MSH3: variants seen among roughly 807,000 people sequenced by gnomAD.
The protein encoded by MSH3 is mutS homolog 3.
In MSH3, 106 loss-of-function variants were observed where a neutral mutation model predicts 123.3. The ratio of observed to expected loss-of-function variants is 0.86; its 90% CI spans 0.73 to 1.01. The LOEUF (loss-of-function observed/expected upper bound fraction) is 1.01, where lower values mean the gene tolerates loss of function less well. Among genes scored for constraint, MSH3 ranks in the 50% least tolerant of loss-of-function variants. The pLI is 0.00. For synonymous variants in MSH3, 515 were observed against 481.4 expected (o/e 1.07, Z -0.91); for missense variants, 1,459 against 1,347.6 (o/e 1.08, Z -1.29).
intron 17 of MSH3, among the ~76,000 whole-genome samples, chr5:80,785,518 C>A (rs1010715516): frequency 2.6e-5 from 4 of 152,106 alleles, no homozygotes; most frequent in Middle Eastern, 6.8e-3. Context: ...GGGACTGTAA[C>A]CTAGTTCAAC....
At chr5:80,772,194 T>C (rs1346084903) in intron 15 of MSH3, among the ~76,000 whole-genome samples, 1 of 152,130 alleles carries the variant, frequency 6.6e-6, no homozygotes, top group Non-Finnish European at 1.5e-5. Context: ...AAGAAAAATA[T>C]TGGAAAAAAT....
intron 20 of MSH3, among the ~76,000 whole-genome samples, chr5:80,842,807 G>C (rs1035594128): frequency 6.6e-6 from 1 of 152,166 alleles, no homozygotes; most frequent in Non-Finnish European, 1.5e-5. Flanking sequence ...ATTTTGGGCT[G>C]AGACGATGGG....
chr5:80,734,843 A>G (rs1309775754), intron 10 of MSH3, among the ~76,000 whole-genome samples: 2 of 152,162 alleles, frequency 1.3e-5, no homozygotes, highest in African/African-American at 2.4e-5. Context: ...CCAAAGAGGC[A>G]GTCATGTTGT....
Position 80,672,826 on chromosome 5 carries a change from C to A in MSH3, c.995C>A (p.Ala332Asp), listed in dbSNP as rs763366083. Residue 332 changes from alanine to aspartate, a missense_variant, in exon 6 of 24, where the codon GCC becomes GAC. Ala to Asp is a moderately radical substitution (Grantham distance 126). Transcript: ENST00000265081. ...TCACTCTTTTCCCGGAAATTGACTG[C>A]CCTTTATACAAAATCTACACTTATT... The part of the protein sequence containing the change: ...RSSLFSRKLT[A>D]LYTKSTLIGE... 2 of 1,613,030 alleles carry A rather than the reference C, an allele frequency of 1.2e-6. No homozygotes were observed. Among genetic ancestry groups the A allele is most frequent in the Non-Finnish European group, 1.7e-6 (2 of 1,179,378 alleles).
At chr5:80,713,508 G>A (rs1399794807) in intron 8 of MSH3, among the ~76,000 whole-genome samples, 2 of 152,160 alleles carry the variant, frequency 1.3e-5, no homozygotes, top group East Asian at 1.9e-4. Context: ...ACCTTGGGAG[G>A]AGCACATCTT....
intron 4 of MSH3, among the ~76,000 whole-genome samples, chr5:80,671,827 T>A (rs1399068068): frequency 6.6e-6 from 1 of 152,232 alleles, no homozygotes; most frequent in Non-Finnish European, 1.5e-5. Context: ...CAATGATTTC[T>A]CTGTCCGGAT....
intron 2 of MSH3, among the ~76,000 whole-genome samples, chr5:80,659,182 C>T (rs185688058): frequency 4.0e-5 from 6 of 150,842 alleles, no homozygotes; most frequent in African/African-American, 7.3e-5. Context: ...TGTAGTGAGC[C>T]GAGATCGTGC....
chr5:80,694,233 T>G (rs535698897), intron 8 of MSH3, among the ~76,000 whole-genome samples: 4 of 152,150 alleles, frequency 2.6e-5, no homozygotes, highest in Non-Finnish European at 5.9e-5. Flanking sequence ...ATTCATTACC[T>G]CAGGATCTGA....
At chr5:80,814,309 T>C (rs1440702076) in intron 20 of MSH3, among the ~76,000 whole-genome samples, 2 of 152,168 alleles carry the variant, frequency 1.3e-5, no homozygotes, top group African/African-American at 4.8e-5. Context: ...TTTGCTCTCG[T>C]TTCCTAGGCC....
chr5:80,738,812 A>G (rs1465017618), intron 10 of MSH3, among the ~76,000 whole-genome samples: 1 of 152,244 alleles, frequency 6.6e-6, no homozygotes, highest in Non-Finnish European at 1.5e-5. Flanking sequence ...GGATATATTA[A>G]GAAGGGGCCT....
chr5:80,734,615 T>C (rs887283748), intron 10 of MSH3, among the ~76,000 whole-genome samples: 2 of 152,226 alleles, frequency 1.3e-5, no homozygotes. Flanking sequence ...GTATTTCTAC[T>C]CTGGTTGGAG....
intron 2 of MSH3, among the ~76,000 whole-genome samples, chr5:80,661,151 G>A (rs1440145081): frequency 2.6e-5 from 4 of 152,096 alleles, no homozygotes; most frequent in Non-Finnish European, 5.9e-5. Flanking sequence ...CCTGTTTAGA[G>A]CTCATTTAAA....
At chr5:80,811,761 A>T (rs1307635377) in intron 19 of MSH3, among the ~76,000 whole-genome samples, 2 of 151,836 alleles carry the variant, frequency 1.3e-5, no homozygotes, top group Non-Finnish European at 2.9e-5. Flanking sequence ...GTGATTTTTA[A>T]AAAAGGAGAT....
Position 80,654,720 on chromosome 5 carries a change from G to A in MSH3, c.-8G>A, listed in dbSNP as rs746491510. 6.3e-7 allele frequency: 1 copy of A among 1,593,122 alleles called. No homozygotes were observed. Among genetic ancestry groups the A allele is most frequent in the Non-Finnish European group, 8.5e-7 (1 of 1,172,654 alleles). On this transcript the variant is annotated 5_prime_UTR_variant, in exon 1 of 24. Transcript: ENST00000265081. ...GCCCTGCCGCCGGGCTGCCATCCTTGCCCTGCCATGTCTCGCCGGAAGCCT... is the reference window on the plus strand; with the variant it reads ...GCCCTGCCGCCGGGCTGCCATCCTTACCCTGCCATGTCTCGCCGGAAGCCT...
intron 12 of MSH3, chr5:80,746,749 TCA>T (rs1447471559): frequency 2.5e-6 from 1 of 397,084 alleles, no homozygotes; most frequent in Non-Finnish European, 5.0e-6. Context: ...GTCTTGATAG[TCA>T]CAGATTGTTT....
At position 80,729,452 on chromosome 5, in the gene MSH3, GTGTGTGTGTA is replaced by G. The variant is rs1177734536; in HGVS notation, c.1568+489_1568+498del. Among the ~76,000 whole-genome samples the G allele has an allele frequency of 3.6e-3, 481 of 132,874 alleles. 2 individuals are homozygous for G. The highest frequency in any genetic ancestry group is 5.7e-3 in the Admixed American group (73 of 12,782). 87.2% of individuals were successfully genotyped at this position (132,874 alleles called of 152,430 possible). ...AAAATGTGTGTGTGTGTGTGTGTGTGTGTGTGTGTATATATATATATATATATAAAGAATT... is the reference window on the plus strand; with the variant it reads ...AAAATGTGTGTGTGTGTGTGTGTGTGTATATATATATATATATAAAGAATT... On this transcript the variant is annotated intron_variant, in intron 10 of 23. Coordinates refer to ENST00000265081, the MANE Select transcript of MSH3 (RefSeq NM_002439.5).
At chr5:80,670,919 AGAC>A (rs1037451440) in intron 4 of MSH3, among the ~76,000 whole-genome samples, 4 of 152,106 alleles carry the variant, frequency 2.6e-5, no homozygotes, top group African/African-American at 9.7e-5. Context: ...CAGGAGTTTG[AGAC>A]CAGCCTGGCC....
intron 19 of MSH3, among the ~76,000 whole-genome samples, chr5:80,799,895 T>A (rs1744763972): frequency 6.6e-6 from 1 of 152,222 alleles, no homozygotes; most frequent in Non-Finnish European, 1.5e-5. Flanking sequence ...CTAAATGAAG[T>A]GATACATAGA....
At chr5:80,703,221 T>C (rs899447122) in intron 8 of MSH3, among the ~76,000 whole-genome samples, 1 of 152,220 alleles carries the variant, frequency 6.6e-6, no homozygotes, top group Non-Finnish European at 1.5e-5. Flanking sequence ...GAGGAAGTAC[T>C]TGATAAAGTG....
Sources: allele counts gnomAD v4.1 joint callset (sites outside exome capture counted in the v4.1 genomes callset), GRCh38; gene constraint gnomAD v4.1.1; transcripts MANE v1.5; gene names NCBI Gene and HGNC (gene_info 2026-07-23, HGNC 2026-07-21).